Variants in UTRN observed in about 807,000 individuals in gnomAD.
UTRN encodes dystrophin-related protein 1.
UTRN carries 283 observed loss-of-function variants against 463.9 expected under a neutral mutation model. The ratio of observed to expected loss-of-function variants is 0.61; its 90% confidence interval spans 0.55 to 0.67. UTRN has a LOEUF of 0.67. UTRN is among the 30% of genes least tolerant of loss of function. The pLI is 0.00. For synonymous variants in UTRN, 1,442 were observed against 1,431.5 expected (o/e 1.01, Z -0.17); for missense variants, 3,922 against 4,084.3 (o/e 0.96, Z 1.08).
At chr6:144,569,422 T>TTGCTTA (rs1800733787) in intron 50 of UTRN, among the ~76,000 whole-genome samples, 2 of 152,128 alleles carry the variant, frequency 1.3e-5, no homozygotes, top group Non-Finnish European at 2.9e-5. Flanking sequence ...AAATTTCACA[T>TTGCTTA]TTGCATGCAA....
At chr6:144,431,906 C>T (rs541992574) in intron 9 of UTRN, among the ~76,000 whole-genome samples, 37 of 152,238 alleles carry the variant, frequency 2.4e-4, no homozygotes. Flanking sequence ...ATTCAGTTTC[C>T]TGGATTCTTC....
chr6:144,690,327 A>G (rs1207748261), intron 52 of UTRN, among the ~76,000 whole-genome samples: 2 of 151,714 alleles, frequency 1.3e-5, no homozygotes, highest in Non-Finnish European at 2.9e-5. Flanking sequence ...AGGGGGGTGT[A>G]GCCAGCAGCA....
At chr6:144,492,942 G>T (rs927029815) in intron 32 of UTRN, among the ~76,000 whole-genome samples, 6 of 152,160 alleles carry the variant, frequency 3.9e-5, no homozygotes, top group African/African-American at 1.4e-4. Flanking sequence ...TAACATGCAA[G>T]ATTTTTTAAA....
chr6:144,719,995 A>G (rs552281959), intron 53 of UTRN, among the ~76,000 whole-genome samples: 2 of 152,246 alleles, frequency 1.3e-5, no homozygotes, highest in African/African-American at 2.4e-5. Flanking sequence ...TCACACCCAC[A>G]TGTTTGCTTT....
Position 144,748,344 on chromosome 6 carries a change from A to G in UTRN, c.8038A>G (p.Ser2680Gly). The G allele has an allele frequency of 6.2e-7, 1 of 1,613,766 alleles. No individual in the cohort carries two copies. ...ATGGGAAAGTCTAAATGCTGTAACTAGCAATTGGCAAAAGCAAGTGGACAA... is the reference window on the plus strand; with the variant it reads ...ATGGGAAAGTCTAAATGCTGTAACTGGCAATTGGCAAAAGCAAGTGGACAA... ...EKWESLNAVT[S>G]NWQKQVDKAL... is the part of the protein sequence containing the mutation. Residue 2680 changes from serine to glycine, a missense_variant, in exon 55 of 75, where the codon AGC (serine) becomes GGC (glycine). Coordinates refer to ENST00000367545, the MANE Select transcript of UTRN (RefSeq NM_007124.3).
At chr6:144,542,573 G>T (rs1798067323) in intron 45 of UTRN, among the ~76,000 whole-genome samples, 1 of 152,160 alleles carries the variant, frequency 6.6e-6, no homozygotes, top group African/African-American at 2.4e-5. Flanking sequence ...GTGCACAGGG[G>T]TCAGGACAGC....
intron 2 of UTRN, among the ~76,000 whole-genome samples, chr6:144,325,709 G>C (rs750756613): frequency 1.8e-4 from 27 of 152,144 alleles, no homozygotes; most frequent in Non-Finnish European, 3.5e-4. Context: ...GCCTCATTTT[G>C]AAATGGGAGG....
intron 50 of UTRN, among the ~76,000 whole-genome samples, chr6:144,575,430 C>T (rs191105195): frequency 9.2e-5 from 14 of 152,050 alleles, no homozygotes; most frequent in Non-Finnish European, 1.9e-4. Context: ...AGAAAAAATA[C>T]GTGTAAATAA....
At chr6:144,551,485 A>G (rs1231527275) in intron 48 of UTRN, among the ~76,000 whole-genome samples, 1 of 152,232 alleles carries the variant, frequency 6.6e-6, no homozygotes, top group African/African-American at 2.4e-5. Context: ...TCAACCCAAA[A>G]TTCAGTCCAC....
chr6:144,493,466 G>A lies in UTRN; in HGVS notation c.4593+10G>A. 2 of 1,608,906 alleles carry A rather than the reference G, an allele frequency of 1.2e-6. No individual in the cohort carries two copies. Among genetic ancestry groups the A allele is most frequent in the Non-Finnish European group, 8.5e-7 (1 of 1,176,866 alleles). ...TGACCTGGGCGCACAGGTGAGGAGA[G>A]CAGCCCCACAGCTCATCTCTCTGTC... On this transcript the variant is annotated intron_variant, in intron 33 of 74. Transcript: ENST00000367545.
At chr6:144,306,086 C>T (rs1562726737) in intron 2 of UTRN, among the ~76,000 whole-genome samples, 3 of 152,182 alleles carry the variant, frequency 2.0e-5, no homozygotes, top group Non-Finnish European at 2.9e-5. Flanking sequence ...CACCACAAAC[C>T]GTAGCTGTAA....
chr6:144,507,959 C>G (rs1794826343), intron 34 of UTRN, among the ~76,000 whole-genome samples: 1 of 152,084 alleles, frequency 6.6e-6, no homozygotes, highest in African/African-American at 2.4e-5. Flanking sequence ...AGAGATCAGA[C>G]AGTCTGGCTA....
rs1792916062 is a variant in UTRN, at chr6:144,490,137, C to CA, written c.4202dup (p.Pro1402AlafsTer8). On this transcript the variant is annotated frameshift_variant, in exon 31 of 75. Coordinates refer to ENST00000367545, the MANE Select transcript of UTRN (RefSeq NM_007124.3). LOFTEE classifies it high-confidence loss of function. ...GGAGTTGAGAAGAAATATGCGTTCT[C>CA]AGCCCCTGACCTCCCCAGAGAGTAG... 6.2e-7 allele frequency: 1 copy of CA among 1,613,674 alleles called. No homozygotes were observed. Among genetic ancestry groups the CA allele is most frequent in the African/African-American group, 1.3e-5 (1 of 74,870 alleles).
chr6:144,583,439 C>A (rs1194313002), intron 51 of UTRN: 1 of 664,076 alleles, frequency 1.5e-6, no homozygotes, highest in Non-Finnish European at 2.8e-6. Flanking sequence ...AGGAAATGAT[C>A]GTTGCTCTTC....
At position 144,527,341 on chromosome 6, in the gene UTRN, A is replaced by G. The variant is rs371715089; in HGVS notation, c.5907-3711A>G. ...ATAGGACCCCAATCTCTTCTAGCTT[A>G]TAAGGTTTCTGCTGAGAAATCTTCT... is the stretch of plus-strand genomic sequence containing the variant. On this transcript the variant is annotated intron_variant, in intron 41 of 74. Transcript: ENST00000367545. 1.3e-4 allele frequency among the ~76,000 whole-genome samples: 20 copies of G among 152,322 alleles called. No individual in the cohort carries two copies. In the South Asian group the frequency reaches 3.7e-3, roughly 28 times the overall value.
chr6:144,572,061 T>C (rs1223540824), intron 50 of UTRN, among the ~76,000 whole-genome samples: 1 of 152,208 alleles, frequency 6.6e-6, no homozygotes, highest in Non-Finnish European at 1.5e-5. Context: ...TGTTTTCTTC[T>C]TGGGGCGATT....
intron 51 of UTRN, among the ~76,000 whole-genome samples, chr6:144,584,713 G>A (rs1585399988): frequency 6.6e-6 from 1 of 152,080 alleles, no homozygotes; most frequent in African/African-American, 2.4e-5. Context: ...GACAGATTCA[G>A]GTAGTGGGGT....
chr6:144,298,501 ATG>A (rs3061621), intron 2 of UTRN, among the ~76,000 whole-genome samples: 16,641 of 152,198 alleles, frequency 0.11, 1,291 homozygotes, highest in African/African-American at 0.22. Context: ...CATAAGGGAA[ATG>A]TCTGTGTATG....
intron 6 of UTRN, 61 bp from the exon 7 acceptor site, chr6:144,426,226 A>G: frequency 6.5e-7 from 1 of 1,536,316 alleles, no homozygotes; most frequent in East Asian, 2.3e-5. Context: ...ACTTCATTGA[A>G]GTAAGTTGAA....
Sources: allele counts gnomAD v4.1 joint callset (sites outside exome capture counted in the v4.1 genomes callset), GRCh38; gene constraint gnomAD v4.1.1; transcripts MANE v1.5; gene names NCBI Gene and HGNC (gene_info 2026-07-23, HGNC 2026-07-21).